The following RIC1 variants were observed in gnomAD, a reference collection of about 807,000 sequenced individuals.
RIC1 encodes RIC1 partner of RAB6A GEF complex, also known as guanine nucleotide exchange factor subunit RIC1.
Under a neutral mutation model 169.0 loss-of-function variants are expected in RIC1, and 88 were observed. That is an observed-to-expected ratio of 0.52 (90% CI 0.44 to 0.62). RIC1 has a LOEUF of 0.62. Among genes scored for constraint, RIC1 ranks in the 20% least tolerant of loss-of-function variants. The probability of loss-of-function intolerance (pLI) is 0.00; values close to 1 mark genes in which losing one functional copy is unlikely to be tolerated. For synonymous variants in RIC1, 790 were observed against 601.5 expected (o/e 1.31, Z -4.59); for missense variants, 1,877 against 1,725.5 (o/e 1.09, Z -1.56).
chr9:5,643,943 C>T (rs1292139643), intron 1 of RIC1, among the ~76,000 whole-genome samples: 1 of 152,150 alleles, frequency 6.6e-6, no homozygotes, highest in Non-Finnish European at 1.5e-5. Flanking sequence ...CAATTGCTTT[C>T]CTTTGAGTTG....
At chr9:5,770,009 A>C in intron 22 of RIC1, 78 bp from the exon 23 acceptor site, 1 of 1,316,930 alleles carries the variant, frequency 7.6e-7, no homozygotes, top group Non-Finnish European at 1.0e-6. Flanking sequence ...GGGGAAGCTA[A>C]AAGAGCTGAA....
chr9:5,700,108 T>C (rs1409268937), intron 3 of RIC1, among the ~76,000 whole-genome samples: 1 of 152,092 alleles, frequency 6.6e-6, no homozygotes, highest in Non-Finnish European at 1.5e-5. Context: ...TTTCCTTCAT[T>C]GACATTTCTG....
intron 1 of RIC1, among the ~76,000 whole-genome samples, chr9:5,651,958 C>A (rs1261541584): frequency 6.6e-6 from 1 of 152,122 alleles, no homozygotes; most frequent in Admixed American, 6.5e-5. Flanking sequence ...TTTCCCAGCA[C>A]CATTTATTAG....
At chr9:5,632,047 A>C (rs953013124) in intron 1 of RIC1, among the ~76,000 whole-genome samples, 2 of 152,194 alleles carry the variant, frequency 1.3e-5, no homozygotes, top group African/African-American at 4.8e-5. Context: ...TTTTATAATA[A>C]TATGTGAAGA....
At chr9:5,696,398 TC>T in intron 3 of RIC1, among the ~76,000 whole-genome samples, 1 of 152,254 alleles carries the variant, frequency 6.6e-6, no homozygotes, top group Admixed American at 6.5e-5. Flanking sequence ...TCAGTATGAC[TC>T]CCCTGCTATC....
At chr9:5,732,332 C>A in intron 6 of RIC1, 56 bp from the exon 7 acceptor site, 1 of 1,300,602 alleles carries the variant, frequency 7.7e-7, no homozygotes, top group Non-Finnish European at 1.1e-6. Flanking sequence ...ATTATATTGA[C>A]TACGGTAAAT....
chr9:5,732,997 A>G (rs1031128842), intron 7 of RIC1, among the ~76,000 whole-genome samples: 27 of 152,278 alleles, frequency 1.8e-4, no homozygotes, highest in African/African-American at 5.3e-4. Flanking sequence ...CATACCAGCC[A>G]TAGTTCTAAG....
chr9:5,761,502 A>AT (rs1040258062), intron 17 of RIC1, among the ~76,000 whole-genome samples: 18 of 151,668 alleles, frequency 1.2e-4, no homozygotes, highest in Admixed American at 2.6e-4. Context: ...ATTCTTAAGA[A>AT]TTTTTTTTTA....
Position 5,738,541 on chromosome 9 carries a change from G to A in RIC1, c.901+3G>A. 1.8e-6 allele frequency: 2 copies of A among 1,132,958 alleles called. No homozygotes were observed. The highest frequency in any genetic ancestry group is 2.5e-6 in the Non-Finnish European group (2 of 806,094). The allele number at this position is 1,132,958 out of a possible 1,614,324, so 70.2% of individuals were successfully genotyped here. On this transcript the variant is annotated splice_donor_region_variant and intron_variant, in intron 8 of 25. Coordinates refer to ENST00000414202, the MANE Select transcript of RIC1 (RefSeq NM_020829.4). ...GCTAACAGCAAAACAGTATCCTGGTGAGTCTTTTTTTTTTTTTTTTTTTTT... is the reference window on the plus strand; with the variant it reads ...GCTAACAGCAAAACAGTATCCTGGTAAGTCTTTTTTTTTTTTTTTTTTTTT...
chr9:5,698,807 C>G (rs569475673), intron 3 of RIC1, among the ~76,000 whole-genome samples: 14 of 152,110 alleles, frequency 9.2e-5, no homozygotes, highest in Admixed American at 4.6e-4. Flanking sequence ...AGGTTGCCTT[C>G]TGAATTATGT....
At chr9:5,666,193 G>T (rs1448067729) in intron 2 of RIC1, among the ~76,000 whole-genome samples, 1 of 152,228 alleles carries the variant, frequency 6.6e-6, no homozygotes, top group Non-Finnish European at 1.5e-5. Flanking sequence ...TAAAGAAGCA[G>T]TCTGGCCATG....
At chr9:5,646,496 G>T (rs968962175) in intron 1 of RIC1, among the ~76,000 whole-genome samples, 3 of 152,102 alleles carry the variant, frequency 2.0e-5, no homozygotes, top group Non-Finnish European at 4.4e-5. Flanking sequence ...TCTATGTTTA[G>T]AAGTATTTAG....
intron 1 of RIC1, among the ~76,000 whole-genome samples, chr9:5,652,701 T>G (rs1175895724): frequency 6.6e-6 from 1 of 152,184 alleles, no homozygotes; most frequent in African/African-American, 2.4e-5. Flanking sequence ...ATTCTTTTTT[T>G]TTTCTTGCCT....
chr9:5,697,323 ACCTGTTTGTTTT>A (rs1821964508), intron 3 of RIC1, among the ~76,000 whole-genome samples: 2 of 151,810 alleles, frequency 1.3e-5, no homozygotes, highest in East Asian at 3.9e-4. Flanking sequence ...CTGCCAGAAA[ACCTGTTTGTTTT>A]CCTTCCCTCA....
chr9:5,774,263 C>T lies in RIC1; in HGVS notation c.*17C>T, dbSNP rs760425848. ...GTGTCCTAACAGTGAGGTTCCATCA[C>T]AAAGGGGCAGTATTAATTAGCAGCA... On this transcript the variant is annotated 3_prime_UTR_variant, in exon 26 of 26. Coordinates refer to ENST00000414202, the MANE Select transcript of RIC1 (RefSeq NM_020829.4). 2 of 1,585,422 alleles carry T rather than the reference C, an allele frequency of 1.3e-6. No homozygotes were observed. The highest frequency in any genetic ancestry group is 2.3e-5 in the South Asian group (2 of 86,182).
At chr9:5,687,637 T>A (rs890477224) in intron 2 of RIC1, among the ~76,000 whole-genome samples, 5 of 152,172 alleles carry the variant, frequency 3.3e-5, no homozygotes, top group Non-Finnish European at 5.9e-5. Flanking sequence ...GAATTTTTTT[T>A]ATTTGTTTCT....
intron 7 of RIC1, among the ~76,000 whole-genome samples, chr9:5,735,260 A>C (rs1406371707): frequency 6.6e-6 from 1 of 152,076 alleles, no homozygotes; most frequent in Admixed American, 6.6e-5. Flanking sequence ...CCTGGAAGCT[A>C]GTTCTTGTTG....
intron 2 of RIC1, among the ~76,000 whole-genome samples, chr9:5,675,356 T>C (rs905467648): frequency 6.6e-6 from 1 of 152,144 alleles, no homozygotes; most frequent in Non-Finnish European, 1.5e-5. Context: ...AAGATTGCTT[T>C]ATGAGGAAGT....
At chr9:5,634,490 A>G (rs1042686530) in intron 1 of RIC1, among the ~76,000 whole-genome samples, 19 of 152,094 alleles carry the variant, frequency 1.2e-4, no homozygotes, top group African/African-American at 4.3e-4. Flanking sequence ...TTGAGCACCT[A>G]TTGGCCATTG....
Sources: allele counts gnomAD v4.1 joint callset (sites outside exome capture counted in the v4.1 genomes callset), GRCh38; gene constraint gnomAD v4.1.1; transcripts MANE v1.5; gene names NCBI Gene and HGNC (gene_info 2026-07-23, HGNC 2026-07-21).